SEMA6A: variants seen among roughly 807,000 people sequenced by gnomAD.
The protein encoded by SEMA6A is semaphorin 6A, also known as semaphorin-6A.
A neutral mutation model predicts 96.8 loss-of-function variants in SEMA6A; 25 were observed. That is an observed-to-expected ratio of 0.26 (90% confidence interval 0.19 to 0.36). The LOEUF is 0.36. Ranked by LOEUF, SEMA6A falls within the 10% of genes least tolerant of loss-of-function variation. SEMA6A has a pLI of 1.00. For synonymous variants in SEMA6A, 612 were observed against 518.0 expected (o/e 1.18, Z -2.46); for missense variants, 1,363 against 1,323.1 (o/e 1.03, Z -0.47).
intron 1 of SEMA6A, among the ~76,000 whole-genome samples, chr5:116,529,818 C>A (rs975381281): frequency 6.6e-6 from 1 of 152,004 alleles, no homozygotes; most frequent in Non-Finnish European, 1.5e-5. Context: ...AAGATGGAAA[C>A]AATAAACACG....
intron 1 of SEMA6A, 38 bp from the exon 2 acceptor site, chr5:116,505,020 G>A (rs532993640): frequency 4.9e-6 from 5 of 1,026,846 alleles, no homozygotes; most frequent in Non-Finnish European, 4.4e-6. Context: ...TTCCAAGTCA[G>A]CTTTGTTCAA....
chr5:116,453,323 C>G (rs779860002), intron 18 of SEMA6A, among the ~76,000 whole-genome samples: 4 of 152,168 alleles, frequency 2.6e-5, no homozygotes, highest in Non-Finnish European at 5.9e-5. Flanking sequence ...TTCTCTGACT[C>G]CTTAGGCCAG....
At chr5:116,512,070 G>A (rs1758429325) in intron 1 of SEMA6A, among the ~76,000 whole-genome samples, 1 of 152,182 alleles carries the variant, frequency 6.6e-6, no homozygotes, top group South Asian at 2.1e-4. Context: ...ATTTAAAGAA[G>A]TAATGAGTGT....
At chr5:116,482,148 C>T (rs1580416586) in intron 11 of SEMA6A, among the ~76,000 whole-genome samples, 1 of 152,180 alleles carries the variant, frequency 6.6e-6, no homozygotes, top group Middle Eastern at 3.2e-3. Context: ...GTACAATACC[C>T]TTTACCTCTC....
At chr5:116,518,597 G>GT (rs1479577425) in intron 1 of SEMA6A, among the ~76,000 whole-genome samples, 1 of 152,232 alleles carries the variant, frequency 6.6e-6, no homozygotes, top group African/African-American at 2.4e-5. Flanking sequence ...CAGAGAGAAA[G>GT]TGAGTGTGAG....
chr5:116,509,743 C>A (rs930283085), intron 1 of SEMA6A, among the ~76,000 whole-genome samples: 2 of 152,000 alleles, frequency 1.3e-5, no homozygotes, highest in African/African-American at 2.4e-5. Context: ...ATAAGGGGAC[C>A]CAGGCTGAGG....
chr5:116,512,611 T>A, intron 1 of SEMA6A, among the ~76,000 whole-genome samples: 1 of 152,240 alleles, frequency 6.6e-6, no homozygotes, highest in Admixed American at 6.5e-5. Flanking sequence ...AGGTTGGTTG[T>A]ATACGTATTA....
chr5:116,454,691 C>T (rs553357891), intron 18 of SEMA6A, among the ~76,000 whole-genome samples: 11 of 152,238 alleles, frequency 7.2e-5, no homozygotes, highest in South Asian at 2.1e-4. Flanking sequence ...TCTTGTCTTA[C>T]GGCATAATGT....
chr5:116,516,242 A>C (rs370998523), intron 1 of SEMA6A, among the ~76,000 whole-genome samples: 5 of 152,130 alleles, frequency 3.3e-5, no homozygotes, highest in African/African-American at 1.2e-4. Context: ...ATTGATGCTG[A>C]CTGGTGCTTA....
At chr5:116,573,325 G>T (rs978803932) in intron 1 of SEMA6A, among the ~76,000 whole-genome samples, 6 of 151,994 alleles carry the variant, frequency 3.9e-5, no homozygotes, top group Non-Finnish European at 5.9e-5. Context: ...TTTCCAGAGC[G>T]AGACCGCGCT....
intron 1 of SEMA6A, among the ~76,000 whole-genome samples, chr5:116,510,572 T>C (rs1758359084): frequency 6.6e-6 from 1 of 152,154 alleles, no homozygotes; most frequent in South Asian, 2.1e-4. Flanking sequence ...AATGTTTATT[T>C]ATTCTTCAGC....
intron 1 of SEMA6A, among the ~76,000 whole-genome samples, chr5:116,556,515 A>C (rs1760612297): frequency 6.6e-6 from 1 of 152,184 alleles, no homozygotes; most frequent in South Asian, 2.1e-4. Context: ...TTTAATCATC[A>C]GACTCCCTTT....
At chr5:116,553,076 G>A (rs1381587469) in intron 1 of SEMA6A, among the ~76,000 whole-genome samples, 1 of 151,710 alleles carries the variant, frequency 6.6e-6, no homozygotes, top group Admixed American at 6.6e-5. Context: ...AACTATAGAG[G>A]GAAAATGAGT....
intron 1 of SEMA6A, among the ~76,000 whole-genome samples, chr5:116,546,947 T>C (rs940264223): frequency 6.6e-6 from 1 of 152,192 alleles, no homozygotes; most frequent in African/African-American, 2.4e-5. Context: ...CTTTTCCATA[T>C]AGATTCTCAT....
chr5:116,551,350 A>ACACACACACACACG (rs1408174709), intron 1 of SEMA6A, among the ~76,000 whole-genome samples: 1 of 150,910 alleles, frequency 6.6e-6, no homozygotes, highest in East Asian at 1.9e-4. Flanking sequence ...ACACACACAC[A>ACACACACACACACG]CATTCTCTTT....
chr5:116,531,843 C>T (rs1759489957), intron 1 of SEMA6A, among the ~76,000 whole-genome samples: 1 of 152,130 alleles, frequency 6.6e-6, no homozygotes, highest in African/African-American at 2.4e-5. Flanking sequence ...TAACCTAAGT[C>T]ACCTTTAGTT....
chr5:116,482,703 A>G (rs1341705583), intron 10 of SEMA6A, 128 bp from the exon 11 acceptor site: 2 of 829,516 alleles, frequency 2.4e-6, no homozygotes, highest in South Asian at 2.0e-5. Flanking sequence ...GACACTATAA[A>G]TATAAGGGAT....
At chr5:116,536,509 G>A (rs561356515) in intron 1 of SEMA6A, 12 of 152,214 alleles carry the variant, frequency 7.9e-5, no homozygotes, top group Middle Eastern at 3.4e-3. Flanking sequence ...TACATTTCAC[G>A]GAGGTGGGAC....
intron 1 of SEMA6A, among the ~76,000 whole-genome samples, chr5:116,528,788 G>C (rs1759339677): frequency 6.6e-6 from 1 of 152,214 alleles, no homozygotes; most frequent in Admixed American, 6.5e-5. Context: ...CCAGTGTATT[G>C]TGGGGGACTG....
Sources: gnomAD v4.1 joint callset for allele counts (sites outside exome capture counted in the v4.1 genomes callset) on GRCh38, gnomAD v4.1.1 for gene constraint, MANE v1.5 for transcripts, NCBI Gene and HGNC (gene_info 2026-07-23, HGNC 2026-07-21) for gene names.